COL25A1: variants seen among roughly 807,000 people sequenced by gnomAD.
COL25A1 encodes collagen alpha-1(XXV) chain.
In COL25A1, 103 loss-of-function variants were observed where a neutral mutation model predicts 128.4. The ratio of observed to expected loss-of-function variants is 0.80; its 90% CI spans 0.68 to 0.94. The LOEUF (loss-of-function observed/expected upper bound fraction) is 0.94, where lower values mean the gene tolerates loss of function less well. Ranked by LOEUF, COL25A1 falls within the 40% of genes least tolerant of loss-of-function variation. The pLI is 0.00. For synonymous variants in COL25A1, 279 were observed against 277.2 expected, an observed-to-expected ratio of 1.01 and a Z score of -0.06; for missense variants, 745 against 840.0, an observed-to-expected ratio of 0.89 and a Z score of 1.40.
At chr4:109,153,846 T>C (rs1484005579) in intron 3 of COL25A1, among the ~76,000 whole-genome samples, 1 of 152,190 alleles carries the variant, frequency 6.6e-6, no homozygotes, top group East Asian at 1.9e-4. Flanking sequence ...AATTGCTGTA[T>C]ACTACAATCC....
chr4:108,943,630 A>G (rs982072006), intron 8 of COL25A1, among the ~76,000 whole-genome samples: 33 of 152,278 alleles, frequency 2.2e-4, no homozygotes, highest in African/African-American at 7.7e-4. Flanking sequence ...CAACCCCTTA[A>G]TGCAGAAAAG....
chr4:109,010,561 C>G (rs550008080), intron 5 of COL25A1, among the ~76,000 whole-genome samples, 186 bp from the exon 6 acceptor site: 17 of 152,268 alleles, frequency 1.1e-4, no homozygotes, highest in Admixed American at 7.8e-4. Context: ...TTACTTTATG[C>G]TATTTATCTA....
chr4:109,218,444 A>C lies in COL25A1; in HGVS notation c.367+82139T>G, dbSNP rs144078518. 7.4e-3 allele frequency among the ~76,000 whole-genome samples: 1,056 copies of C among 143,618 alleles called. 9 individuals are homozygous for C. Among genetic ancestry groups the C allele is most frequent in the African/African-American group, 0.024 (969 of 39,602 alleles). 94.2% of individuals were successfully genotyped at this position (143,618 alleles called of 152,430 possible). On this transcript the variant is annotated intron_variant, in intron 3 of 37. Transcript: ENST00000399132. Reference sequence around the variant, plus strand: ...AAAGAGAAGCCCCATGAAAGTTTTAAACTCTATCCAAACCCAGGACAATCC... The same window carrying C: ...AAAGAGAAGCCCCATGAAAGTTTTACACTCTATCCAAACCCAGGACAATCC...
At chr4:109,154,800 T>C (rs1226244172) in intron 3 of COL25A1, among the ~76,000 whole-genome samples, 1 of 152,138 alleles carries the variant, frequency 6.6e-6, no homozygotes, top group Non-Finnish European at 1.5e-5. Context: ...AAGAAAGTCT[T>C]TCTCTTCTTT....
intron 14 of COL25A1, 141 bp from the exon 15 acceptor site, chr4:108,899,321 T>A (rs6533393): frequency 3.2e-6 from 2 of 616,546 alleles, no homozygotes; most frequent in Non-Finnish European, 5.6e-6. Context: ...AGTTGCTATA[T>A]GAAAACAAAT....
intron 3 of COL25A1, among the ~76,000 whole-genome samples, chr4:109,134,177 G>A (rs1769483748): frequency 6.7e-6 from 1 of 148,670 alleles, no homozygotes; most frequent in South Asian, 2.1e-4. Flanking sequence ...AGGAAGACAG[G>A]GGCCAGATTA....
intron 3 of COL25A1, among the ~76,000 whole-genome samples, chr4:109,085,221 G>A (rs1159611372): frequency 3.4e-4 from 51 of 152,110 alleles, no homozygotes; most frequent in Admixed American, 3.1e-3. Context: ...AGAGTCCGCT[G>A]AGCCCCATAC....
intron 3 of COL25A1, among the ~76,000 whole-genome samples, chr4:109,209,411 A>T (rs904649886): frequency 1.3e-5 from 2 of 152,174 alleles, no homozygotes; most frequent in African/African-American, 2.4e-5. Context: ...ATGAAATATC[A>T]TCCAAATCAA....
intron 3 of COL25A1, among the ~76,000 whole-genome samples, chr4:109,108,052 T>C (rs2126033215): frequency 6.6e-6 from 1 of 152,352 alleles, no homozygotes; most frequent in Admixed American, 6.5e-5. Context: ...AATTATACTT[T>C]AAGTTTTAGG....
chr4:108,960,358 T>C (rs576548523), intron 8 of COL25A1, among the ~76,000 whole-genome samples: 10 of 152,104 alleles, frequency 6.6e-5, no homozygotes, highest in Admixed American at 4.6e-4. Flanking sequence ...TTAATAAAAA[T>C]GGTTAAATTG....
At chr4:109,051,978 T>C (rs1363535193) in intron 3 of COL25A1, among the ~76,000 whole-genome samples, 1 of 152,166 alleles carries the variant, frequency 6.6e-6, no homozygotes, top group Non-Finnish European at 1.5e-5. Context: ...GAAAGTACTT[T>C]GACTGACCGT....
chr4:109,142,429 A>G (rs1770501665), intron 3 of COL25A1, among the ~76,000 whole-genome samples: 1 of 152,182 alleles, frequency 6.6e-6, no homozygotes, highest in African/African-American at 2.4e-5. Context: ...GATGTCTATT[A>G]GGTCTGCTTG....
At chr4:109,093,913 A>G (rs982810385) in intron 3 of COL25A1, among the ~76,000 whole-genome samples, 4 of 152,204 alleles carry the variant, frequency 2.6e-5, no homozygotes, top group Non-Finnish European at 4.4e-5. Context: ...GCAAAAAAAA[A>G]AAGTTTTTAA....
intron 13 of COL25A1, among the ~76,000 whole-genome samples, chr4:108,915,390 AG>A (rs1357187191): frequency 2.0e-5 from 3 of 152,156 alleles, no homozygotes; most frequent in Non-Finnish European, 2.9e-5. Flanking sequence ...AAATAGAGAC[AG>A]GGTTTCACCA....
chr4:108,855,627 T>A (rs1439561635), intron 24 of COL25A1, among the ~76,000 whole-genome samples: 1 of 152,160 alleles, frequency 6.6e-6, no homozygotes, highest in East Asian at 1.9e-4. Flanking sequence ...TTTTTAAATT[T>A]AAAGATAACA....
In COL25A1 at chr4:109,089,935, C is replaced by CT. The variant is rs1402048146; in HGVS notation, c.368-39757dup. Among the ~76,000 whole-genome samples, 1,270 of 145,566 alleles carry CT rather than the reference C, an allele frequency of 8.7e-3. 7 individuals are homozygous for CT. The highest frequency in any genetic ancestry group is 0.025 in the South Asian group (114 of 4,540). ...TTAGAAGTATAATTGCTACATAGGA[C>CT]TTTTTTTTTTTCAAAAATTCAATTA... On this transcript the variant is annotated intron_variant, in intron 3 of 37. Coordinates refer to ENST00000399132, the MANE Select transcript of COL25A1 (RefSeq NM_198721.4).
At chr4:109,184,146 T>G (rs1192453291) in intron 3 of COL25A1, among the ~76,000 whole-genome samples, 4 of 152,192 alleles carry the variant, frequency 2.6e-5, no homozygotes, top group Non-Finnish European at 5.9e-5. Context: ...TTGTTCCAGA[T>G]AGCAGTTTTC....
At chr4:109,151,420 C>T (rs1771491807) in intron 3 of COL25A1, among the ~76,000 whole-genome samples, 1 of 152,036 alleles carries the variant, frequency 6.6e-6, no homozygotes, top group South Asian at 2.1e-4. Context: ...AGCACAGAAC[C>T]TTATGACTAT....
intron 3 of COL25A1, among the ~76,000 whole-genome samples, chr4:109,123,994 A>C (rs1768355352): frequency 6.6e-6 from 1 of 152,114 alleles, no homozygotes; most frequent in African/African-American, 2.4e-5. Context: ...CAAACTTTTC[A>C]CTAATGACTT....
Sources: gnomAD v4.1 joint callset for allele counts (sites outside exome capture counted in the v4.1 genomes callset) on GRCh38, gnomAD v4.1.1 for gene constraint, MANE v1.5 for transcripts, NCBI Gene and HGNC (gene_info 2026-07-23, HGNC 2026-07-21) for gene names.